The following ADAMTS18 variants were observed in gnomAD, a reference collection of about 807,000 sequenced individuals.
ADAMTS18 encodes ADAM metallopeptidase with thrombospondin type 1 motif 18.
Under a neutral mutation model 165.9 loss-of-function variants are expected in ADAMTS18, and 157 were observed. That is an observed-to-expected ratio of 0.95 (90% CI 0.83 to 1.08). ADAMTS18 has a LOEUF of 1.08. ADAMTS18 is among the 50% of genes least tolerant of loss of function. The probability of loss-of-function intolerance (pLI) is 0.00; values close to 1 mark genes in which losing one functional copy is unlikely to be tolerated. For missense variants in ADAMTS18, 2,040 were observed against 1,534.0 expected, an observed-to-expected ratio of 1.33 and a Z score of -5.51; for synonymous variants, 782 against 578.2, an observed-to-expected ratio of 1.35 and a Z score of -5.06.
chr16:77,368,744 T>A (rs990252964), intron 3 of ADAMTS18, among the ~76,000 whole-genome samples: 18 of 152,090 alleles, frequency 1.2e-4, no homozygotes, highest in South Asian at 2.1e-4. Flanking sequence ...TCAATGTTTT[T>A]AAAAAAAATC....
chr16:77,285,426 G>C (rs1027174232), intron 22 of ADAMTS18, among the ~76,000 whole-genome samples: 9 of 147,078 alleles, frequency 6.1e-5, no homozygotes, highest in Non-Finnish European at 1.0e-4. Flanking sequence ...GTCTGCCTCA[G>C]CCTCCCAAAG....
At chr16:77,303,464 G>A (rs2055623964) in intron 16 of ADAMTS18, among the ~76,000 whole-genome samples, 1 of 152,114 alleles carries the variant, frequency 6.6e-6, no homozygotes, top group African/African-American at 2.4e-5. Context: ...TAAAAACTTG[G>A]AGCCATTTTA....
intron 16 of ADAMTS18, among the ~76,000 whole-genome samples, chr16:77,305,018 A>G (rs1028710361): frequency 6.6e-6 from 1 of 152,246 alleles, no homozygotes; most frequent in Admixed American, 6.5e-5. Flanking sequence ...AGACCGAAAG[A>G]CAATATTTGT....
intron 11 of ADAMTS18, among the ~76,000 whole-genome samples, chr16:77,340,661 G>T (rs1448044868): frequency 6.6e-6 from 1 of 152,046 alleles, no homozygotes; most frequent in Non-Finnish European, 1.5e-5. Context: ...GCACACTACA[G>T]CCTCAAACTC....
At chr16:77,421,884 T>A (rs12931272) in intron 3 of ADAMTS18, among the ~76,000 whole-genome samples, 1 of 151,882 alleles carries the variant, frequency 6.6e-6, no homozygotes, top group African/African-American at 2.4e-5. Context: ...AAAATAAATA[T>A]GCAGTAATTA....
chr16:77,355,490 C>T (rs1273293265), intron 9 of ADAMTS18, among the ~76,000 whole-genome samples: 1 of 152,114 alleles, frequency 6.6e-6, no homozygotes, highest in East Asian at 1.9e-4. Flanking sequence ...CTCTATGACA[C>T]ATTGATCGAT....
At chr16:77,402,043 T>G (rs74520471) in intron 3 of ADAMTS18, among the ~76,000 whole-genome samples, 1 of 152,156 alleles carries the variant, frequency 6.6e-6, no homozygotes, top group African/African-American at 2.4e-5. Flanking sequence ...CAGCATATTG[T>G]GGAAATTTTC....
intron 16 of ADAMTS18, among the ~76,000 whole-genome samples, chr16:77,308,639 G>C (rs2055725202): frequency 6.6e-6 from 1 of 150,524 alleles, no homozygotes; most frequent in African/African-American, 2.4e-5. Context: ...TCCTAAAACT[G>C]TGTATGAAAC....
intron 3 of ADAMTS18, among the ~76,000 whole-genome samples, chr16:77,370,621 G>GC (rs975489030): frequency 7.9e-5 from 12 of 152,130 alleles, no homozygotes; most frequent in Admixed American, 6.5e-4. Flanking sequence ...ATGATGGTGG[G>GC]CATCTGTAGT....
chr16:77,334,802 CTATAG>C (rs1264083926), intron 12 of ADAMTS18, among the ~76,000 whole-genome samples: 2 of 110,700 alleles, frequency 1.8e-5, no homozygotes, highest in Non-Finnish European at 3.5e-5. Flanking sequence ...ATACTATATA[CTATAG>C]TATACAGTAT....
intron 16 of ADAMTS18, among the ~76,000 whole-genome samples, chr16:77,315,514 G>C (rs1276699507): frequency 6.6e-6 from 1 of 152,204 alleles, no homozygotes; most frequent in African/African-American, 2.4e-5. Context: ...TGCAGGTGCA[G>C]GGCAAAAATA....
At chr16:77,370,258 T>C (rs1031045186) in intron 3 of ADAMTS18, among the ~76,000 whole-genome samples, 1 of 152,038 alleles carries the variant, frequency 6.6e-6, no homozygotes, top group African/African-American at 2.4e-5. Context: ...GAGAAAGAAA[T>C]AAAGGGCATT....
At chr16:77,294,777 G>GAAA (rs1204847946) in intron 19 of ADAMTS18, 146 bp downstream of exon 19, 2 of 806,686 alleles carry the variant, frequency 2.5e-6, no homozygotes, top group Non-Finnish European at 4.0e-6. Context: ...AAGAACATTA[G>GAAA]TTAAAATGCA....
intron 3 of ADAMTS18, among the ~76,000 whole-genome samples, chr16:77,423,460 GTAA>G (rs2057630379): frequency 6.6e-6 from 1 of 152,084 alleles, no homozygotes; most frequent in Non-Finnish European, 1.5e-5. Context: ...TAATGATATA[GTAA>G]TAATATCATT....
chr16:77,329,882 A>G (rs886186207), intron 12 of ADAMTS18, among the ~76,000 whole-genome samples: 1 of 152,200 alleles, frequency 6.6e-6, no homozygotes, highest in African/African-American at 2.4e-5. Flanking sequence ...TTTTGTCCTT[A>G]TATTAGACAA....
At chr16:77,330,293 A>G (rs1453931164) in intron 12 of ADAMTS18, among the ~76,000 whole-genome samples, 1 of 152,220 alleles carries the variant, frequency 6.6e-6, no homozygotes, top group Non-Finnish European at 1.5e-5. Flanking sequence ...ACCTTAGCAT[A>G]TCACTAATAA....
chr16:77,295,994 C>G (rs1025996404), intron 18 of ADAMTS18, among the ~76,000 whole-genome samples: 3 of 136,748 alleles, frequency 2.2e-5, no homozygotes, highest in African/African-American at 7.8e-5. Context: ...CTATTATTTA[C>G]AAGAAAAAAA....
intron 16 of ADAMTS18, 133 bp downstream of exon 16, chr16:77,319,716 T>C (rs1440585590): frequency 6.9e-7 from 1 of 1,444,808 alleles, no homozygotes; most frequent in African/African-American, 1.4e-5. Flanking sequence ...GTGCTGGGAT[T>C]ACAGGCATGA....
chr16:77,305,607 T>C (rs1225092182), intron 16 of ADAMTS18, among the ~76,000 whole-genome samples: 1 of 152,214 alleles, frequency 6.6e-6, no homozygotes, highest in Non-Finnish European at 1.5e-5. Context: ...GGATCAGTTT[T>C]AAGACACAAT....
Sources: allele counts gnomAD v4.1 joint callset (sites outside exome capture counted in the v4.1 genomes callset), GRCh38; gene constraint gnomAD v4.1.1; transcripts MANE v1.5; gene names NCBI Gene and HGNC (gene_info 2026-07-23, HGNC 2026-07-21).